Variants in INTS1 observed in about 807,000 individuals in gnomAD.
INTS1 encodes integrator complex subunit 1.
Under a neutral mutation model 241.6 loss-of-function variants are expected in INTS1, and 137 were observed. The ratio of observed to expected loss-of-function variants is 0.57; its 90% CI spans 0.49 to 0.65. The LOEUF (loss-of-function observed/expected upper bound fraction) is 0.65. Ranked by LOEUF, INTS1 falls within the 30% of genes least tolerant of loss-of-function variation. The probability of loss-of-function intolerance (pLI) is 0.00; values close to 1 mark genes in which losing one functional copy is unlikely to be tolerated. For synonymous variants in INTS1, 1,692 were observed against 1,337.8 expected (o/e 1.26, Z -5.78); for missense variants, 3,073 against 3,032.2 (o/e 1.01, Z -0.32).
chr7:1,498,366 C>G, intron 10 of INTS1, 46 bp downstream of exon 10: 1 of 1,607,796 alleles, frequency 6.2e-7, no homozygotes, highest in South Asian at 1.1e-5. Flanking sequence ...CAGCCCAGAG[C>G]CCCATATTCC....
intron 17 of INTS1, 39 bp downstream of exon 17, chr7:1,489,552 G>A (rs1368236546): frequency 3.9e-6 from 6 of 1,530,204 alleles, no homozygotes; most frequent in African/African-American, 1.4e-5. Flanking sequence ...AGGACCAGCA[G>A]GGCCACGTGT....
rs759457688 is a variant in INTS1 at position 1,499,489 on chromosome 7, C to T, written c.828G>A (p.Ala276=). The change falls in exon 6 of 48, where the codon GCG becomes GCA. Residue 276 remains alanine (A), a synonymous_variant. Transcript: ENST00000404767. ...VLLQGEAGRV[A]GDLGAGSSPH... ...GTGTCTCACCTGCACCCAGGTCGCC[C>T]GCAACGCGGCCCGCCTCCCCCTGCA... is the stretch of plus-strand genomic sequence containing the variant. 21 of 1,601,804 alleles carry T rather than the reference C, an allele frequency of 1.3e-5. No individual in the cohort carries two copies. In the South Asian group the frequency reaches 1.3e-4, roughly 10 times the overall value.
In INTS1 at chr7:1,479,638, C is replaced by T. The variant is rs758384870; in HGVS notation, c.4121G>A (p.Arg1374His). Residue 1374 changes from arginine (R) to histidine (H), a missense_variant, in exon 31 of 48, where the codon CGC becomes CAC. Arg to His is a conservative substitution (Grantham distance 29). Coordinates refer to ENST00000404767, the MANE Select transcript of INTS1 (RefSeq NM_001080453.3). ...CTGCTGCAGGGCGAGGGCCACGGGG[C>T]GGGGACTGGAGCTCTGCCACCGAGG... ...PDPRWQSSSP[R>H]PVALALQQAL... 92 of 1,509,738 alleles carry T rather than the reference C, an allele frequency of 6.1e-5. No individual in the cohort carries two copies. In the East Asian group the frequency reaches 6.8e-4, roughly 11 times the overall value. The allele number at this position is 1,509,738 out of a possible 1,614,324, so 93.5% of individuals were successfully genotyped here. A position where few individuals can be genotyped will look rare whatever the true frequency, so the allele number is the denominator to read the frequency against.
At chr7:1,498,597 G>A (rs1562519874) in intron 9 of INTS1, 44 bp from the exon 10 acceptor site, 2 of 1,598,846 alleles carry the variant, frequency 1.3e-6, no homozygotes, top group Admixed American at 1.7e-5. Flanking sequence ...CTACGCCTGT[G>A]CCCCCACTCC....
chr7:1,490,750 G>C (rs1280727584), intron 16 of INTS1, among the ~76,000 whole-genome samples: 1 of 152,232 alleles, frequency 6.6e-6, no homozygotes, highest in South Asian at 2.1e-4. Context: ...GGAAATGAAA[G>C]GACCTAGAAC....
intron 16 of INTS1, among the ~76,000 whole-genome samples, chr7:1,490,862 G>A (rs182130543): frequency 2.1e-4 from 32 of 152,346 alleles, no homozygotes; most frequent in African/African-American, 6.7e-4. Flanking sequence ...CAGAACAGAC[G>A]TGCAGACGGA....
rs934665883 is a variant in INTS1, at chr7:1,493,187, G to A, written c.2069-81C>T. 36 of 1,134,048 alleles carry A rather than the reference G, an allele frequency of 3.2e-5. 1 individual carries two copies. The highest frequency in any genetic ancestry group is 5.8e-5 in the Admixed American group (3 of 51,730). 70.2% of individuals were successfully genotyped at this position (1,134,048 alleles called of 1,614,324 possible). A position where few individuals can be genotyped will look rare whatever the true frequency, so the allele number is the denominator to read the frequency against. ...GGCAGCGAGGGAACCGGCCCTGCTC[G>A]GGCCGCGTCGGGGTGGGGTGGGGGA... On this transcript the variant is annotated intron_variant, in intron 15 of 47. Transcript: ENST00000404767. This position sits in a 1 kb window ranked among gnomAD's most constrained non-coding sequence, Gnocchi z 5.3.
In INTS1 at chr7:1,497,265, A is replaced by G. The variant is rs1057260723; in HGVS notation, c.1475T>C (p.Leu492Pro). ...QDLLTNKDDY[L>P]RASRALLREI... ...CCGCAGCAGGGCCCGCGAGGCCCGC[A>G]GGTAGTCGTCCTTGTTGGTCAGCAG... The change falls in exon 11 of 48, where the codon CTG becomes CCG. Residue 492 changes from leucine to proline, a missense_variant. By Grantham distance (98) the Leu-to-Pro change is moderately conservative (BLOSUM62 -3). Coordinates refer to ENST00000404767, the MANE Select transcript of INTS1 (RefSeq NM_001080453.3). This position sits in a 1 kb window ranked among gnomAD's most constrained non-coding sequence, Gnocchi z 5.3. 2 of 1,613,306 alleles carry G rather than the reference A, an allele frequency of 1.2e-6. No individual in the cohort carries two copies. Among genetic ancestry groups the G allele is most frequent in the African/African-American group, 1.3e-5 (1 of 74,872 alleles).
chr7:1,499,462 G>A lies in INTS1; in HGVS notation c.844+11C>T, dbSNP rs560529308. 1.1e-5 allele frequency: 17 copies of A among 1,481,790 alleles called. No individual in the cohort carries two copies. In the South Asian group the frequency reaches 1.3e-4, roughly 11 times the overall value. 91.8% of individuals were successfully genotyped at this position (1,481,790 alleles called of 1,614,324 possible). Reference sequence around the variant, plus strand: ...GGACACCCGCCCTCTCTGGCTGGCCGTGTGTCTCACCTGCACCCAGGTCGC... The same window carrying A: ...GGACACCCGCCCTCTCTGGCTGGCCATGTGTCTCACCTGCACCCAGGTCGC... On this transcript the variant is annotated intron_variant, in intron 6 of 47. Coordinates refer to ENST00000404767, the MANE Select transcript of INTS1 (RefSeq NM_001080453.3).
chr7:1,475,922 G>T (rs4725125), intron 39 of INTS1, 26 bp downstream of exon 39: 2 of 1,525,114 alleles, frequency 1.3e-6, no homozygotes, highest in Admixed American at 2.0e-5. Flanking sequence ...GGACGGCGGC[G>T]GGGAGCGGCA....
intron 8 of INTS1, 45 bp downstream of exon 8, chr7:1,498,930 G>GGCCCCCCCCCCCCCCCC: frequency 3.4e-6 from 5 of 1,460,166 alleles, no homozygotes; most frequent in East Asian, 2.6e-5. Context: ...CACAGAGCCT[G>GGCCCCCCCCCCCCCCCC]CCCCCACCCC....
At chr7:1,503,522 C>T (rs1286471864) in intron 2 of INTS1, among the ~76,000 whole-genome samples, 1 of 152,252 alleles carries the variant, frequency 6.6e-6, no homozygotes, top group African/African-American at 2.4e-5. Context: ...GGTTAAGCGA[C>T]GTGCCCAGCG....
chr7:1,470,708 G>A lies in INTS1; in HGVS notation c.6458-16C>T. ...GCCGCGTGCTCTGTGGGGGAAACGG[G>A]GCCCTGCACGTCACGCTGGCCACAA... On this transcript the variant is annotated splice_polypyrimidine_tract_variant and intron_variant, in intron 47 of 47. Coordinates refer to ENST00000404767, the MANE Select transcript of INTS1 (RefSeq NM_001080453.3). The A allele has an allele frequency of 6.6e-7, 1 of 1,519,528 alleles. No individual in the cohort carries two copies. Among genetic ancestry groups the A allele is most frequent in the Non-Finnish European group, 8.9e-7 (1 of 1,128,536 alleles). The allele number at this position is 1,519,528 out of a possible 1,614,324, so 94.1% of individuals were successfully genotyped here.
chr7:1,493,714 G>A lies in INTS1; in HGVS notation c.2068+40C>T, dbSNP rs1335106238. ...CGGGGTTTCTGCAGGGACGAGGGGA[G>A]CAGACCCAGCACAGGCGCCATCCCC... On this transcript the variant is annotated intron_variant, in intron 15 of 47. Coordinates refer to ENST00000404767, the MANE Select transcript of INTS1 (RefSeq NM_001080453.3). This position sits in a 1 kb window ranked among gnomAD's most constrained non-coding sequence, Gnocchi z 5.3. The A allele has an allele frequency of 8.4e-6, 13 of 1,541,274 alleles. No homozygotes were observed. Among genetic ancestry groups the A allele is most frequent in the South Asian group, 3.6e-5 (3 of 82,762 alleles).
At chr7:1,503,874 C>CCAA in intron 2 of INTS1, 29 bp downstream of exon 2, 11 of 1,538,406 alleles carry the variant, frequency 7.2e-6, no homozygotes, top group African/African-American at 1.4e-5. Flanking sequence ...CAAAGACCCC[C>CCAA]GGGCTGCAGA....
intron 39 of INTS1, 42 bp from the exon 40 acceptor site, chr7:1,474,880 C>A (rs963267911): frequency 6.5e-7 from 1 of 1,540,932 alleles, no homozygotes; most frequent in Non-Finnish European, 8.8e-7. Context: ...GCTGGCTCCC[C>A]TCACTTGCCC....
At chr7:1,498,631 A>ACC in intron 9 of INTS1, 76 bp downstream of exon 9, 12 of 989,592 alleles carry the variant, frequency 1.2e-5, no homozygotes, top group Non-Finnish European at 1.4e-5. Flanking sequence ...CTCCGCCCGC[A>ACC]CCCCCGCTCC....
intron 3 of INTS1, among the ~76,000 whole-genome samples, chr7:1,501,554 C>T (rs1369326545): frequency 6.6e-6 from 1 of 152,160 alleles, no homozygotes; most frequent in Non-Finnish European, 1.5e-5. Flanking sequence ...ATACGCTTTT[C>T]ATAACCACGT....
chr7:1,490,134 T>A (rs1028466673), intron 16 of INTS1, among the ~76,000 whole-genome samples: 1 of 152,106 alleles, frequency 6.6e-6, no homozygotes, highest in African/African-American at 2.4e-5. Context: ...CAGAGGCTGC[T>A]GAGTGGGAAA....
Sources: allele counts gnomAD v4.1 joint callset (sites outside exome capture counted in the v4.1 genomes callset), GRCh38; gene constraint gnomAD v4.1.1; non-coding constraint Gnocchi (gnomAD v3.1); transcripts MANE v1.5; gene names NCBI Gene and HGNC (gene_info 2026-07-23, HGNC 2026-07-21).